The following MRC2 variants were observed in gnomAD, a reference collection of about 807,000 sequenced individuals.
The protein encoded by MRC2 is mannose receptor C-type 2, also known as C-type mannose receptor 2.
Under a neutral mutation model 206.2 loss-of-function variants are expected in MRC2, and 84 were observed. The ratio of observed to expected loss-of-function variants is 0.41; its 90% confidence interval spans 0.34 to 0.49. MRC2 has a LOEUF of 0.49. Ranked by LOEUF, MRC2 falls within the 20% of genes least tolerant of loss-of-function variation. The pLI is 0.31. For missense variants in MRC2, 1,676 were observed against 2,001.5 expected (o/e 0.84, Z 3.10); for synonymous variants, 798 against 800.0 (o/e 1.00, Z 0.04).
intron 11 of MRC2, 119 bp downstream of exon 11, chr17:62,676,650 A>C: frequency 7.9e-7 from 1 of 1,264,562 alleles, no homozygotes; most frequent in Non-Finnish European, 1.1e-6. Context: ...ACTGTGGTGT[A>C]GTGTCTATGA....
Position 62,689,624 on chromosome 17 carries a change from G to T in MRC2, c.3437G>T (p.Trp1146Leu). The change falls in exon 24 of 30, where the codon TGG becomes TTG. Residue 1146 changes from tryptophan to leucine, a missense_variant. Coordinates refer to ENST00000303375, the MANE Select transcript of MRC2 (RefSeq NM_006039.5). ...TFRLLQKPLR[W>L]HDALLLCESR... ...CGGCTGCTTCAGAAGCCGCTGCGCT[G>T]GCACGATGCCCTCCTGCTGTGTGAG... is the stretch of plus-strand genomic sequence containing the variant. 6.2e-7 allele frequency: 1 copy of T among 1,602,692 alleles called. No homozygotes were observed. Among genetic ancestry groups the T allele is most frequent in the Non-Finnish European group, 8.5e-7 (1 of 1,175,040 alleles).
chr17:62,645,153 T>G (rs2088459720), intron 1 of MRC2, among the ~76,000 whole-genome samples: 1 of 152,182 alleles, frequency 6.6e-6, no homozygotes, highest in Non-Finnish European at 1.5e-5. Context: ...AATGTTTCCA[T>G]ATAATGTTTG....
intron 20 of MRC2, among the ~76,000 whole-genome samples, chr17:62,685,935 C>T (rs547805348): frequency 5.9e-5 from 9 of 152,304 alleles, no homozygotes; most frequent in African/African-American, 1.7e-4. Flanking sequence ...TTCTTTGTGT[C>T]CCTATAGCAT....
intron 6 of MRC2, among the ~76,000 whole-genome samples, chr17:62,669,917 T>C (rs751113508): frequency 6.6e-6 from 1 of 152,292 alleles, no homozygotes; most frequent in Admixed American, 6.5e-5. Flanking sequence ...AGCAGAAGCT[T>C]GAAACGTCAG....
chr17:62,673,944 T>C, intron 8 of MRC2, 119 bp from the exon 9 acceptor site: 1 of 778,194 alleles, frequency 1.3e-6, no homozygotes, highest in African/African-American at 1.7e-5. Context: ...GACACAGACA[T>C]GTCAGAATCA....
At position 62,666,296 on chromosome 17, in the gene MRC2, G is replaced by T. The variant is rs1373632753; in HGVS notation, c.694+29G>T. 6.4e-7 allele frequency: 1 copy of T among 1,557,358 alleles called. No homozygotes were observed. The highest frequency in any genetic ancestry group is 1.2e-5 in the South Asian group (1 of 81,144). ...AGAGCTGTTGGAGCCGTGGGGGCGG[G>T]GGCAGTGTTCCTGGAGGGAGGCTGG... On this transcript the variant is annotated intron_variant, in intron 3 of 29. Transcript: ENST00000303375. This position sits in a 1 kb window ranked among gnomAD's most constrained non-coding sequence, Gnocchi z 5.0.
chr17:62,637,168 G>C (rs369943501), intron 1 of MRC2, among the ~76,000 whole-genome samples: 7 of 152,156 alleles, frequency 4.6e-5, no homozygotes, highest in African/African-American at 1.4e-4. Flanking sequence ...TTCAAGACCA[G>C]CCTGGCCAGG....
At chr17:62,650,867 C>T (rs970653140) in intron 1 of MRC2, among the ~76,000 whole-genome samples, 2 of 152,062 alleles carry the variant, frequency 1.3e-5, no homozygotes, top group East Asian at 1.9e-4. Context: ...TCGGTATTGA[C>T]GTAAATGATA....
At position 62,664,151 on chromosome 17, in the gene MRC2, G is replaced by A. The variant is rs138878561; in HGVS notation, c.119-397G>A. ...ATTTTTTGTATTTTTAGTAGAGACGGGGTTTCACCGTTTTAGCCGGGATGG... is the reference window on the plus strand; with the variant it reads ...ATTTTTTGTATTTTTAGTAGAGACGAGGTTTCACCGTTTTAGCCGGGATGG... On this transcript the variant is annotated intron_variant, in intron 1 of 29. Transcript: ENST00000303375. The surrounding 1 kb of genome is among the most constrained non-coding windows in gnomAD (Gnocchi z 4.7). 0.012 allele frequency among the ~76,000 whole-genome samples: 1,872 copies of A among 151,756 alleles called. 55 individuals are homozygous for A. Among genetic ancestry groups the A allele is most frequent in the African/African-American group, 0.043 (1,758 of 41,286 alleles).
chr17:62,677,601 C>T (rs904161240), intron 12 of MRC2, 115 bp downstream of exon 12: 19 of 930,512 alleles, frequency 2.0e-5, no homozygotes, highest in Admixed American at 2.0e-4. Flanking sequence ...AGGCTGCAGA[C>T]GGGTGATTTC....
In MRC2 at chr17:62,688,891, T is replaced by C; in HGVS notation, c.3265T>C (p.Phe1089Leu). The C allele has an allele frequency of 6.2e-7, 1 of 1,613,516 alleles. No individual in the cohort carries two copies. The highest frequency in any genetic ancestry group is 8.5e-7 in the Non-Finnish European group (1 of 1,179,984). ...AVVLHSPSAH[F>L]TGRWDDRSCT... ...GGTCCTGCACAGCCCCTCAGCCCAC[T>C]TCACTGGCCGCTGGGACGATCGGAG... Residue 1089 changes from phenylalanine (F) to leucine (L), a missense_variant, in exon 23 of 30, where the codon TTC (phenylalanine) becomes CTC (leucine). Phe to Leu is a conservative substitution (Grantham distance 22). Coordinates refer to ENST00000303375, the MANE Select transcript of MRC2 (RefSeq NM_006039.5).
rs748705256 is a variant in MRC2, at chr17:62,664,778, C to T, written c.349C>T (p.Leu117=). ...LGMYECDREA[L]NLRWHCRTLG... ...CATGTATGAGTGTGACCGGGAAGCA[C>T]TGAATCTTCGCTGGCATTGTCGTAC... Residue 117 remains leucine, a synonymous_variant, in exon 2 of 30, where the codon CTG becomes TTG. Coordinates refer to ENST00000303375, the MANE Select transcript of MRC2 (RefSeq NM_006039.5). The surrounding 1 kb of genome is among the most constrained non-coding windows in gnomAD (Gnocchi z 4.7). 14 of 1,613,910 alleles carry T rather than the reference C, an allele frequency of 8.7e-6. No individual in the cohort carries two copies. In the East Asian group the frequency reaches 2.5e-4, roughly 28 times the overall value.
chr17:62,658,279 C>T (rs1411907241), intron 1 of MRC2, among the ~76,000 whole-genome samples: 2 of 152,116 alleles, frequency 1.3e-5, no homozygotes, highest in African/African-American at 4.8e-5. Context: ...ACAAATCCTG[C>T]GAGGGGAGGG....
Position 62,677,393 on chromosome 17 carries a change from G to A in MRC2, c.1959G>A (p.Thr653=), listed in dbSNP as rs772417411. 23 of 1,610,640 alleles carry A rather than the reference G, an allele frequency of 1.4e-5. No homozygotes were observed. The South Asian group carries it at 1.7e-4, about 12-fold the overall frequency. ...ICRQSLGTPV[T]PELPGPDPTP... ...GGCAGAGCCTGGGCACTCCAGTGACGCCGGAGCTGCCGGGGCCAGATCCCA... is the reference window on the plus strand; with the variant it reads ...GGCAGAGCCTGGGCACTCCAGTGACACCGGAGCTGCCGGGGCCAGATCCCA... The change falls in exon 12 of 30, where the codon ACG becomes ACA. Residue 653 remains threonine, a synonymous_variant. Transcript: ENST00000303375.
chr17:62,654,098 T>C (rs1277485791), intron 1 of MRC2, among the ~76,000 whole-genome samples: 3 of 152,078 alleles, frequency 2.0e-5, no homozygotes, highest in African/African-American at 7.2e-5. Flanking sequence ...TGGCGGCCCT[T>C]TCAGGCGGCC....
At chr17:62,655,315 G>A (rs1042599136) in intron 1 of MRC2, among the ~76,000 whole-genome samples, 2 of 149,986 alleles carry the variant, frequency 1.3e-5, no homozygotes, top group Non-Finnish European at 3.0e-5. Context: ...GCCAAGGTGG[G>A]TAGATCACGA....
intron 1 of MRC2, among the ~76,000 whole-genome samples, chr17:62,661,422 A>G (rs898289602): frequency 2.0e-5 from 3 of 151,926 alleles, no homozygotes; most frequent in Non-Finnish European, 4.4e-5. Context: ...TTTCTACTGC[A>G]TTGTTGATAC....
intron 18 of MRC2, chr17:62,681,588 C>T: frequency 2.0e-6 from 1 of 509,120 alleles, no homozygotes; most frequent in African/African-American, 2.0e-5. Flanking sequence ...GGCTTCCTGC[C>T]CTGGAGTCCT....
chr17:62,634,906 C>A (rs2088293164), intron 1 of MRC2, among the ~76,000 whole-genome samples: 1 of 151,830 alleles, frequency 6.6e-6, no homozygotes, highest in Non-Finnish European at 1.5e-5. Context: ...TCTTGGCTCA[C>A]CACAACTTCC....
Sources: allele counts gnomAD v4.1 joint callset (sites outside exome capture counted in the v4.1 genomes callset), GRCh38; gene constraint gnomAD v4.1.1; non-coding constraint Gnocchi (gnomAD v3.1); transcripts MANE v1.5; gene names NCBI Gene and HGNC (gene_info 2026-07-23, HGNC 2026-07-21).